Variants in ESR2 observed in about 807,000 individuals in gnomAD.
The protein encoded by ESR2 is estrogen receptor 2.
Under a neutral mutation model 49.6 loss-of-function variants are expected in ESR2, and 36 were observed. That is an observed-to-expected ratio of 0.73 (90% confidence interval 0.56 to 0.96). ESR2 has a LOEUF of 0.96. Ranked by LOEUF, ESR2 falls within the 40% of genes least tolerant of loss-of-function variation. The probability of loss-of-function intolerance (pLI) is 0.00; values close to 1 mark genes in which losing one functional copy is unlikely to be tolerated. For missense variants in ESR2, 714 were observed against 693.0 expected (o/e 1.03, Z -0.34); for synonymous variants, 320 against 266.1 (o/e 1.20, Z -1.97).
At chr14:64,309,459 A>G (rs1212285516) in intron 1 of ESR2, among the ~76,000 whole-genome samples, 1 of 151,636 alleles carries the variant, frequency 6.6e-6, no homozygotes, top group Admixed American at 6.6e-5. Flanking sequence ...TAAAAATACA[A>G]AAAAGTATTG....
rs1384957893 is a variant in ESR2, at chr14:64,252,035, G to T, written c.1092-2356C>A. Among the ~76,000 whole-genome samples, 3 of 152,202 alleles carry T rather than the reference G, an allele frequency of 2.0e-5. No individual in the cohort carries two copies. In the East Asian group the frequency reaches 5.8e-4, roughly 29 times the overall value. Reference sequence around the variant, plus strand: ...AAGAGTTGAATTAAAGACAGGGCTGGCTGGGTAAAGTGGCCCATGTCTGTA... The same window carrying T: ...AAGAGTTGAATTAAAGACAGGGCTGTCTGGGTAAAGTGGCCCATGTCTGTA... On this transcript the variant is annotated intron_variant, in intron 6 of 8. Coordinates refer to ENST00000341099, the MANE Select transcript of ESR2 (RefSeq NM_001437.3).
chr14:64,228,227 T>C (rs377544314), downstream of ESR2, among the ~76,000 whole-genome samples: 1 of 152,236 alleles, frequency 6.6e-6, no homozygotes, highest in Admixed American at 6.5e-5. Flanking sequence ...CAAAGGACTC[T>C]CTAACCCCAC....
At chr14:64,326,135 T>G (rs187347237) in intron 1 of ESR2, among the ~76,000 whole-genome samples, 60 of 152,286 alleles carry the variant, frequency 3.9e-4, no homozygotes, top group Admixed American at 1.5e-3. Flanking sequence ...ACATACAGAT[T>G]ACATTAAAAA....
chr14:64,234,912 C>T (rs1296515544), intron 8 of ESR2, 58 bp downstream of exon 8: 3 of 1,586,958 alleles, frequency 1.9e-6, no homozygotes, highest in South Asian at 2.2e-5. Context: ...ACTTCACCCT[C>T]CGTGGAGCAC....
Position 64,228,854 on chromosome 14 carries a change from G to A in ESR2, c.*4283C>T, listed in dbSNP as rs780047141. On this transcript the variant is annotated 3_prime_UTR_variant, in exon 9 of 9. Coordinates refer to ENST00000341099, the MANE Select transcript of ESR2 (RefSeq NM_001437.3). The stretch of plus-strand genomic sequence containing the variant: ...TCCAAAGCAACAAAAATGGCACTAC[G>A]ATCATACATCACAGACAATGCACAT... Among the ~76,000 whole-genome samples, 1 of 152,148 alleles carries A rather than the reference G, an allele frequency of 6.6e-6. No individual in the cohort carries two copies. Among genetic ancestry groups the A allele is most frequent in the Non-Finnish European group, 1.5e-5 (1 of 68,024 alleles).
At chr14:64,276,648 A>G (rs1015237415) in intron 3 of ESR2, among the ~76,000 whole-genome samples, 3 of 152,212 alleles carry the variant, frequency 2.0e-5, no homozygotes, top group Admixed American at 6.5e-5. Flanking sequence ...TCAAAACTTC[A>G]TGAACAAATA....
At chr14:64,321,866 A>G (rs1212654838) in intron 1 of ESR2, among the ~76,000 whole-genome samples, 2 of 152,116 alleles carry the variant, frequency 1.3e-5, no homozygotes, top group African/African-American at 4.8e-5. Context: ...CATTGAATAC[A>G]CATAAACATA....
At chr14:64,309,719 C>T (rs958979251) in intron 1 of ESR2, among the ~76,000 whole-genome samples, 56 of 152,030 alleles carry the variant, frequency 3.7e-4, no homozygotes, top group African/African-American at 1.2e-3. Flanking sequence ...CCTGTAATCC[C>T]AGCACTTTGA....
At chr14:64,295,861 T>C (rs1189476652), upstream of ESR2, among the ~76,000 whole-genome samples, 1 of 152,050 alleles carries the variant, frequency 6.6e-6, no homozygotes, top group Admixed American at 6.5e-5. Context: ...CTGACCAACA[T>C]GGTGAAACCT....
chr14:64,335,618 C>T (rs1264403437), intron 1 of ESR2, among the ~76,000 whole-genome samples: 1 of 152,114 alleles, frequency 6.6e-6, no homozygotes, highest in Non-Finnish European at 1.5e-5. Flanking sequence ...AAGGCCCTGC[C>T]TCCAAATACC....
chr14:64,276,184 T>G (rs2076554013), intron 3 of ESR2, among the ~76,000 whole-genome samples: 1 of 152,188 alleles, frequency 6.6e-6, no homozygotes, highest in African/African-American at 2.4e-5. Context: ...GATTAACTAT[T>G]TCTGCATATC....
intron 1 of ESR2, chr14:64,330,640 A>G (rs953273955): frequency 6.6e-6 from 1 of 152,218 alleles, no homozygotes; most frequent in African/African-American, 2.4e-5. Context: ...CACCCAAATT[A>G]TGAAAGGTAA....
At chr14:64,287,006 C>T (rs2076794734) in intron 1 of ESR2, among the ~76,000 whole-genome samples, 3 of 150,948 alleles carry the variant, frequency 2.0e-5, no homozygotes, top group African/African-American at 2.4e-5. Flanking sequence ...TGTGAGTCAC[C>T]GTGCCTGGCC....
upstream of ESR2, chr14:64,338,516 GC>G: frequency 6.5e-6 from 1 of 154,592 alleles, no homozygotes; most frequent in Non-Finnish European, 1.5e-5. Flanking sequence ...GCAGGGACCC[GC>G]CCATTACTGC....
chr14:64,254,632 C>T (rs1431469977), intron 6 of ESR2, among the ~76,000 whole-genome samples: 1 of 151,660 alleles, frequency 6.6e-6, no homozygotes, highest in African/African-American at 2.4e-5. Flanking sequence ...GTGGCACATG[C>T]CTGTAATCCC....
downstream of ESR2, chr14:64,226,871 AAT>A (rs1348910360): frequency 5.3e-5 from 8 of 152,176 alleles, no homozygotes; most frequent in East Asian, 1.5e-3. Context: ...TTATATTTTT[AAT>A]AGAGACGGGG....
intron 1 of ESR2, among the ~76,000 whole-genome samples, chr14:64,289,218 G>A (rs953753880): frequency 1.6e-4 from 24 of 151,796 alleles, no homozygotes; most frequent in Admixed American, 1.4e-3. Context: ...TGATGTCTGT[G>A]AAAGGATTCT....
At chr14:64,274,556 A>G (rs2076519144) in intron 3 of ESR2, among the ~76,000 whole-genome samples, 1 of 151,694 alleles carries the variant, frequency 6.6e-6, no homozygotes, top group Admixed American at 6.6e-5. Context: ...AAACCTTCAT[A>G]TTTTGTCAAT....
At chr14:64,315,876 A>G (rs2077248821) in intron 1 of ESR2, among the ~76,000 whole-genome samples, 1 of 151,858 alleles carries the variant, frequency 6.6e-6, no homozygotes, top group Non-Finnish European at 1.5e-5. Flanking sequence ...GATGGTCTCC[A>G]TCTCTTGACC....
Sources: allele counts gnomAD v4.1 joint callset (sites outside exome capture counted in the v4.1 genomes callset), GRCh38; gene constraint gnomAD v4.1.1; transcripts MANE v1.5; gene names NCBI Gene and HGNC (gene_info 2026-07-23, HGNC 2026-07-21).